Variants in EPHA6 observed in about 807,000 individuals in gnomAD.
The protein encoded by EPHA6 is EPH receptor A6.
EPHA6 carries 50 observed loss-of-function variants against 112.0 expected under a neutral mutation model. That is an observed-to-expected ratio of 0.45 (90% CI 0.36 to 0.56). EPHA6 has a LOEUF of 0.56. Ranked by LOEUF, EPHA6 falls within the 20% of genes least tolerant of loss-of-function variation. The probability of loss-of-function intolerance (pLI) is 0.00; values close to 1 mark genes in which losing one functional copy is unlikely to be tolerated. For missense variants in EPHA6, 1,280 were observed against 1,417.4 expected (o/e 0.90, Z 1.56); for synonymous variants, 529 against 490.7 (o/e 1.08, Z -1.03).
At chr3:97,175,641 G>A (rs1052720306) in intron 3 of EPHA6, among the ~76,000 whole-genome samples, 3 of 151,142 alleles carry the variant, frequency 2.0e-5, no homozygotes, top group South Asian at 4.2e-4. Flanking sequence ...TTAATTTTTT[G>A]TGTGGCTATT....
intron 9 of EPHA6, 75 bp from the exon 10 acceptor site, chr3:97,483,859 G>A (rs913658474): frequency 1.7e-5 from 23 of 1,385,932 alleles, no homozygotes; most frequent in Middle Eastern, 2.2e-4. Context: ...TGTCATTTCC[G>A]GTTTTAAATG....
intron 3 of EPHA6, among the ~76,000 whole-genome samples, chr3:97,212,162 G>A (rs1034830444): frequency 1.3e-5 from 2 of 152,042 alleles, no homozygotes; most frequent in Non-Finnish European, 2.9e-5. Flanking sequence ...ACAAGAATAA[G>A]AATCTCTGAC....
chr3:97,502,832 C>CAAAAAAA (rs397990595), intron 10 of EPHA6, among the ~76,000 whole-genome samples: 3 of 35,896 alleles, frequency 8.4e-5, no homozygotes, highest in Non-Finnish European at 1.5e-4. Context: ...GACTCTGTCT[C>CAAAAAAA]AAAAAAAAAA....
At chr3:97,196,522 C>T (rs2077446273) in intron 3 of EPHA6, among the ~76,000 whole-genome samples, 1 of 151,964 alleles carries the variant, frequency 6.6e-6, no homozygotes, top group African/African-American at 2.4e-5. Flanking sequence ...CATGTTTTCC[C>T]AGATGGTCCT....
chr3:97,056,959 A>G (rs1010861751), intron 3 of EPHA6, among the ~76,000 whole-genome samples: 18 of 152,214 alleles, frequency 1.2e-4, no homozygotes, highest in African/African-American at 4.3e-4. Flanking sequence ...TAAATAAATT[A>G]TACACTTCCC....
At chr3:96,897,608 T>A (rs900990960) in intron 2 of EPHA6, among the ~76,000 whole-genome samples, 1 of 152,182 alleles carries the variant, frequency 6.6e-6, no homozygotes, top group African/African-American at 2.4e-5. Flanking sequence ...TAAAACTAAA[T>A]GTGTCATTTG....
rs5011519 is a variant in EPHA6, at chr3:97,586,727, T to C, written c.2387-5885T>C. ...GATGATGGATGGATGGATGGATGGATAGACAGACAGACAGACAGACAGACA... is the reference window on the plus strand; with the variant it reads ...GATGATGGATGGATGGATGGATGGACAGACAGACAGACAGACAGACAGACA... On this transcript the variant is annotated intron_variant, in intron 11 of 17. Transcript: ENST00000389672. Among the ~76,000 whole-genome samples the C allele has an allele frequency of 3.2e-4, 48 of 151,462 alleles. No homozygotes were observed. The East Asian group carries it at 3.3e-3, about 10-fold the overall frequency.
intron 6 of EPHA6, among the ~76,000 whole-genome samples, chr3:97,429,708 C>A (rs1295936902): frequency 6.6e-6 from 1 of 152,124 alleles, no homozygotes; most frequent in Non-Finnish European, 1.5e-5. Flanking sequence ...ACACTAAATG[C>A]AGCTTCTATA....
chr3:96,971,816 C>T (rs2042326722), intron 2 of EPHA6, among the ~76,000 whole-genome samples: 1 of 152,084 alleles, frequency 6.6e-6, no homozygotes, highest in African/African-American at 2.4e-5. Context: ...ACTTTTCATT[C>T]TCAGCCATTC....
rs551936116 is a variant in EPHA6, at chr3:97,529,498, A to G, written c.2201-2860A>G. Among the ~76,000 whole-genome samples the G allele has an allele frequency of 9.2e-5, 14 of 152,214 alleles. No homozygotes were observed. In the East Asian group the frequency reaches 2.3e-3, roughly 25 times the overall value. On this transcript the variant is annotated intron_variant, in intron 10 of 17. Transcript: ENST00000389672. ...ATGAGTTAATTATGTACTAACCAGT[A>G]TATATAAATGTTCACAGATCTTATT...
chr3:97,192,489 G>A (rs1168941065), intron 3 of EPHA6, among the ~76,000 whole-genome samples: 2 of 152,112 alleles, frequency 1.3e-5, no homozygotes, highest in Non-Finnish European at 1.5e-5. Flanking sequence ...ATTTTCTCCT[G>A]TAGAGTTGTT....
chr3:97,670,340 G>C (rs903673689), intron 14 of EPHA6, among the ~76,000 whole-genome samples: 1 of 152,106 alleles, frequency 6.6e-6, no homozygotes, highest in Admixed American at 6.5e-5. Context: ...GAAGAAATTT[G>C]ACAAAAATAG....
chr3:97,490,936 T>C (rs1044008456), intron 10 of EPHA6, among the ~76,000 whole-genome samples: 4 of 152,156 alleles, frequency 2.6e-5, no homozygotes, highest in Admixed American at 6.6e-5. Flanking sequence ...TACAGTCCTT[T>C]GAGGGTTGTT....
At chr3:97,141,033 A>G (rs949039203) in intron 3 of EPHA6, among the ~76,000 whole-genome samples, 4 of 152,130 alleles carry the variant, frequency 2.6e-5, no homozygotes, top group East Asian at 3.8e-4. Flanking sequence ...AGCTATACAT[A>G]TATCAGATCA....
intron 3 of EPHA6, among the ~76,000 whole-genome samples, chr3:97,058,331 G>A (rs1029690527): frequency 6.6e-6 from 1 of 151,444 alleles, no homozygotes; most frequent in Admixed American, 6.6e-5. Flanking sequence ...AAGTTTTGCT[G>A]TTGTTACCCA....
chr3:97,113,103 C>G (rs1264548504), intron 3 of EPHA6, among the ~76,000 whole-genome samples: 1 of 152,140 alleles, frequency 6.6e-6, no homozygotes, highest in Admixed American at 6.6e-5. Context: ...CAGCTGCCCT[C>G]AGGCTCAACC....
intron 3 of EPHA6, among the ~76,000 whole-genome samples, chr3:97,069,456 G>A (rs2046285997): frequency 6.6e-6 from 1 of 152,006 alleles, no homozygotes; most frequent in African/African-American, 2.4e-5. Flanking sequence ...ATTGTTCAAG[G>A]GCCAACTGTA....
intron 3 of EPHA6, among the ~76,000 whole-genome samples, chr3:96,996,673 G>A (rs1343427962): frequency 6.6e-6 from 1 of 152,008 alleles, no homozygotes; most frequent in Admixed American, 6.6e-5. Context: ...TCAACAGCAG[G>A]CTTAAAATTC....
chr3:97,270,603 G>A (rs1235724298), intron 5 of EPHA6, among the ~76,000 whole-genome samples: 2 of 152,166 alleles, frequency 1.3e-5, no homozygotes, highest in African/African-American at 4.8e-5. Context: ...GACAGATAAG[G>A]TTTCAAAGCT....
Sources: allele counts gnomAD v4.1 joint callset (sites outside exome capture counted in the v4.1 genomes callset), GRCh38; gene constraint gnomAD v4.1.1; transcripts MANE v1.5; gene names NCBI Gene and HGNC (gene_info 2026-07-23, HGNC 2026-07-21).